The following CLEC16A variants were observed in gnomAD, a reference collection of about 807,000 sequenced individuals.
CLEC16A encodes the protein protein CLEC16A.
Under a neutral mutation model 109.5 loss-of-function variants are expected in CLEC16A, and 51 were observed. The ratio of observed to expected loss-of-function variants is 0.47; its 90% CI spans 0.37 to 0.59. The LOEUF (loss-of-function observed/expected upper bound fraction) is 0.59, where lower values mean the gene tolerates loss of function less well. Ranked by LOEUF, CLEC16A falls within the 20% of genes least tolerant of loss-of-function variation. The pLI is 0.00. For missense variants in CLEC16A, 1,339 were observed against 1,394.0 expected, an observed-to-expected ratio of 0.96 and a Z score of 0.63; for synonymous variants, 673 against 564.2, an observed-to-expected ratio of 1.19 and a Z score of -2.73.
intron 22 of CLEC16A, among the ~76,000 whole-genome samples, chr16:11,147,073 C>T (rs1597561028): frequency 1.3e-5 from 2 of 152,004 alleles, no homozygotes; most frequent in South Asian, 4.2e-4. Flanking sequence ...GGAAGAGCGC[C>T]GAGAACCTTG....
At chr16:11,162,871 G>C (rs1407654526) in intron 22 of CLEC16A, among the ~76,000 whole-genome samples, 1 of 152,222 alleles carries the variant, frequency 6.6e-6, no homozygotes, top group East Asian at 1.9e-4. Flanking sequence ...GTCGTCTGCA[G>C]CATGGGATGC....
rs1475111657 is a variant in CLEC16A at position 11,020,246 on chromosome 16, A to C, written c.1357A>C (p.Thr453Pro). ...CAAGCTCTCAGAGCTGGCCGCCAGC[A>C]CCTCCGTGCAGGAGCAGAACACCAC... ...RSKLSELAAS[T>P]SVQEQNTTDE... Residue 453 changes from threonine (T) to proline (P), a missense_variant, in exon 12 of 24, where the codon ACC (threonine) becomes CCC (proline). Thr to Pro is a conservative substitution (Grantham distance 38). This residue lies in a region of CLEC16A where 1,061 missense variants were observed against 1,006.8 expected (regional missense o/e 1.05). Coordinates refer to ENST00000409790, the MANE Select transcript of CLEC16A (RefSeq NM_015226.3). 2.5e-6 allele frequency: 4 copies of C among 1,613,734 alleles called. No homozygotes were observed. In the Admixed American group the frequency reaches 5.0e-5, roughly 20 times the overall value.
chr16:11,129,991 T>C (rs1475332249), intron 22 of CLEC16A, among the ~76,000 whole-genome samples: 2 of 152,170 alleles, frequency 1.3e-5, no homozygotes, highest in Non-Finnish European at 2.9e-5. Context: ...CTCGATCTCC[T>C]GACATTGTGA....
At chr16:11,105,710 A>G (rs1053338086) in intron 19 of CLEC16A, among the ~76,000 whole-genome samples, 12 of 152,224 alleles carry the variant, frequency 7.9e-5, no homozygotes, top group Admixed American at 1.3e-4. Flanking sequence ...AGCCTCCCCA[A>G]GCCTTCAGCT....
At chr16:10,966,835 G>A (rs1405375310) in intron 3 of CLEC16A, among the ~76,000 whole-genome samples, 1 of 152,112 alleles carries the variant, frequency 6.6e-6, no homozygotes, top group Non-Finnish European at 1.5e-5. Flanking sequence ...ACAACACGTG[G>A]GGATTATGGG....
intron 19 of CLEC16A, among the ~76,000 whole-genome samples, chr16:11,087,466 C>A (rs551970128): frequency 6.6e-6 from 1 of 152,146 alleles, no homozygotes; most frequent in African/African-American, 2.4e-5. Flanking sequence ...TGGAACAAAC[C>A]TAAACTACTA....
At chr16:10,972,799 AAGAC>A in intron 6 of CLEC16A, 135 bp from the exon 7 acceptor site, 1 of 942,362 alleles carries the variant, frequency 1.1e-6, no homozygotes, top group Non-Finnish European at 1.6e-6. Flanking sequence ...ATTTCCAGGA[AAGAC>A]AGACAATTTC....
chr16:11,097,055 A>G (rs2050646779), intron 19 of CLEC16A, among the ~76,000 whole-genome samples: 3 of 152,216 alleles, frequency 2.0e-5, no homozygotes, highest in African/African-American at 7.2e-5. Flanking sequence ...GTTTCCCAGT[A>G]TCTGTGAATT....
At chr16:10,968,763 G>C (rs1158647185) in intron 3 of CLEC16A, among the ~76,000 whole-genome samples, 1 of 152,156 alleles carries the variant, frequency 6.6e-6, no homozygotes, top group Non-Finnish European at 1.5e-5. Context: ...CTTCAGAGTT[G>C]ATGATGTGAT....
intron 19 of CLEC16A, among the ~76,000 whole-genome samples, chr16:11,081,982 A>G (rs1308159346): frequency 6.6e-6 from 1 of 152,178 alleles, no homozygotes; most frequent in Non-Finnish European, 1.5e-5. Context: ...CAGTGAGCCA[A>G]GATGGCACTA....
At chr16:10,958,346 A>G (rs1055808061) in intron 2 of CLEC16A, among the ~76,000 whole-genome samples, 1 of 152,046 alleles carries the variant, frequency 6.6e-6, no homozygotes, top group Admixed American at 6.6e-5. Context: ...CACCCACCCC[A>G]TGGTAGAGGC....
intron 9 of CLEC16A, among the ~76,000 whole-genome samples, 158 bp downstream of exon 9, chr16:10,979,540 G>C (rs2043206290): frequency 6.6e-6 from 1 of 152,202 alleles, no homozygotes; most frequent in African/African-American, 2.4e-5. Flanking sequence ...CTGTTTTCCA[G>C]GTACTAAATA....
chr16:11,169,297 G>GT (rs367615687), intron 23 of CLEC16A, among the ~76,000 whole-genome samples: 1,566 of 152,114 alleles, frequency 0.01, 29 homozygotes, highest in African/African-American at 0.035. Flanking sequence ...GTTTTGTTTT[G>GT]TTTTTTTGAG....
intron 21 of CLEC16A, among the ~76,000 whole-genome samples, chr16:11,124,533 C>T (rs1030554919): frequency 6.6e-6 from 1 of 152,190 alleles, no homozygotes; most frequent in Admixed American, 6.5e-5. Flanking sequence ...CTGAGGAAGC[C>T]CAACACTGCC....
At chr16:10,981,013 G>A (rs1473653316) in intron 9 of CLEC16A, among the ~76,000 whole-genome samples, 3 of 152,174 alleles carry the variant, frequency 2.0e-5, no homozygotes, top group Non-Finnish European at 4.4e-5. Context: ...GTAGGCAGCT[G>A]GGCCCAGCTT....
At chr16:11,131,137 G>A (rs574835711) in intron 22 of CLEC16A, among the ~76,000 whole-genome samples, 21 of 152,320 alleles carry the variant, frequency 1.4e-4, no homozygotes, top group South Asian at 1.2e-3. Flanking sequence ...TGGCCAAGGA[G>A]GGGGGTCAGT....
At chr16:11,051,893 GCAGA>G (rs1240126388) in intron 18 of CLEC16A, among the ~76,000 whole-genome samples, 1 of 152,234 alleles carries the variant, frequency 6.6e-6, no homozygotes, top group African/African-American at 2.4e-5. Flanking sequence ...CTTCACCAGT[GCAGA>G]CAGACAAGCC....
Position 11,073,721 on chromosome 16 carries a change from C to T in CLEC16A, c.2116+12699C>T, listed in dbSNP as rs180972339. 9.9e-3 allele frequency among the ~76,000 whole-genome samples: 1,505 copies of T among 152,330 alleles called. 10 individuals are homozygous for T. Among genetic ancestry groups the T allele is most frequent in the Non-Finnish European group, 0.015 (1,024 of 68,012 alleles). On this transcript the variant is annotated intron_variant, in intron 19 of 23. Transcript: ENST00000409790. ...CCCTCCCAGCCTCCTTCCTCCTGCT[C>T]CACGTGCCTTGTGCACATTTCAGAT...
chr16:11,141,901 T>G (rs2153067257), intron 22 of CLEC16A, among the ~76,000 whole-genome samples: 1 of 152,254 alleles, frequency 6.6e-6, no homozygotes, highest in African/African-American at 2.4e-5. Flanking sequence ...GGGAGAGGCT[T>G]GAGAGGTGAG....
Sources: allele counts gnomAD v4.1 joint callset (sites outside exome capture counted in the v4.1 genomes callset), GRCh38; gene constraint gnomAD v4.1.1; regional missense constraint gnomAD v4.1.1; transcripts MANE v1.5; gene names NCBI Gene and HGNC (gene_info 2026-07-23, HGNC 2026-07-21).